The following CPVL variants were observed in gnomAD, a reference collection of about 807,000 sequenced individuals.
The protein encoded by CPVL is carboxypeptidase vitellogenic like, also known as probable serine carboxypeptidase CPVL.
A neutral mutation model predicts 63.7 loss-of-function variants in CPVL; 51 were observed. The observed-to-expected ratio is 0.80, with a 90% CI of 0.64 to 1.01. The LOEUF (loss-of-function observed/expected upper bound fraction) is 1.01. CPVL is among the 50% of genes least tolerant of loss of function. CPVL has a pLI of 0.00. For synonymous variants in CPVL, 195 were observed against 206.0 expected (o/e 0.95, Z 0.46); for missense variants, 530 against 573.1 (o/e 0.92, Z 0.77).
At chr7:29,159,254 G>A (rs1384235709) in intron 5 of CPVL, among the ~76,000 whole-genome samples, 2 of 152,324 alleles carry the variant, frequency 1.3e-5, no homozygotes, top group African/African-American at 2.4e-5. Context: ...TTGCAGAAGA[G>A]GAAACTGAGC....
intron 12 of CPVL, among the ~76,000 whole-genome samples, chr7:29,023,656 A>G (rs1787228310): frequency 6.6e-6 from 1 of 152,196 alleles, no homozygotes; most frequent in African/African-American, 2.4e-5. Flanking sequence ...TGGTGTCCCA[A>G]TCCATAGCAA....
At chr7:29,130,493 T>C (rs927980727) in intron 1 of CPVL, among the ~76,000 whole-genome samples, 6 of 152,198 alleles carry the variant, frequency 3.9e-5, no homozygotes, top group Non-Finnish European at 7.4e-5. Flanking sequence ...GGCTCCCTTG[T>C]TACAGAACAT....
chr7:29,185,685 C>T (rs1002786794), intron 2 of CPVL: 7 of 152,090 alleles, frequency 4.6e-5, no homozygotes, highest in Non-Finnish European at 1.0e-4. Flanking sequence ...AGCGTGATCT[C>T]GGCATTGGGA....
At chr7:29,054,055 G>C (rs1225525856) in intron 11 of CPVL, among the ~76,000 whole-genome samples, 1 of 152,072 alleles carries the variant, frequency 6.6e-6, no homozygotes, top group African/African-American at 2.4e-5. Context: ...CTAGGTAATA[G>C]AGCAAGATCC....
chr7:29,142,172 T>C (rs780467699), intron 1 of CPVL, among the ~76,000 whole-genome samples: 55 of 152,350 alleles, frequency 3.6e-4, no homozygotes, highest in Non-Finnish European at 6.0e-4. Flanking sequence ...TGTGGTCAAT[T>C]ATTAATGAGA....
At chr7:29,056,272 C>A (rs1790723119) in intron 11 of CPVL, among the ~76,000 whole-genome samples, 1 of 152,178 alleles carries the variant, frequency 6.6e-6, no homozygotes, top group South Asian at 2.1e-4. Flanking sequence ...AAATGCATAA[C>A]ATCTTGTATC....
At chr7:29,130,640 G>GC (rs1780862102) in intron 1 of CPVL, among the ~76,000 whole-genome samples, 4 of 152,176 alleles carry the variant, frequency 2.6e-5, no homozygotes, top group Admixed American at 6.5e-5. Context: ...ATTTTCTCAT[G>GC]CCCCCTCAGC....
chr7:29,006,108 G>A (rs1223322396), intron 12 of CPVL, among the ~76,000 whole-genome samples: 2 of 152,164 alleles, frequency 1.3e-5, no homozygotes, highest in East Asian at 1.9e-4. Flanking sequence ...GCAGTGTGTG[G>A]GCACTCCCTC....
intron 11 of CPVL, among the ~76,000 whole-genome samples, chr7:29,057,127 T>A (rs1355360682): frequency 6.6e-6 from 1 of 151,876 alleles, no homozygotes; most frequent in East Asian, 1.9e-4. Flanking sequence ...ATAAATTAAT[T>A]AATTATTTTT....
At chr7:29,169,114 C>T (rs1796284021) in intron 5 of CPVL, among the ~76,000 whole-genome samples, 1 of 151,546 alleles carries the variant, frequency 6.6e-6, no homozygotes, top group African/African-American at 2.4e-5. Context: ...TGGAATTTTC[C>T]CCATTTTATT....
intron 9 of CPVL, among the ~76,000 whole-genome samples, chr7:29,068,869 G>A (rs1204363062): frequency 1.3e-5 from 2 of 151,106 alleles, no homozygotes; most frequent in Admixed American, 1.3e-4. Context: ...TAACTTTTTT[G>A]TATTTTTAGT....
intron 7 of CPVL, among the ~76,000 whole-genome samples, chr7:29,082,688 A>C (rs1173412329): frequency 6.6e-6 from 1 of 152,290 alleles, no homozygotes; most frequent in South Asian, 2.1e-4. Context: ...GGTTTCCTTA[A>C]AAGTATTCAT....
chr7:29,192,441 G>C (rs1365217492), intron 1 of CPVL: 1 of 152,192 alleles, frequency 6.6e-6, no homozygotes, highest in Non-Finnish European at 1.5e-5. Flanking sequence ...TTTCAGAGAT[G>C]AATAATGAAA....
rs939261589 is a variant in CPVL at position 29,057,162 on chromosome 7, A to C, written c.1137+6899T>G. On this transcript the variant is annotated intron_variant, in intron 11 of 12. Transcript: ENST00000265394. ...TATTTTGTAGAGACAGGGTCTCTCTATGTTGTCCAAGCTGGTTTCAAACTC... is the reference window on the plus strand; with the variant it reads ...TATTTTGTAGAGACAGGGTCTCTCTCTGTTGTCCAAGCTGGTTTCAAACTC... 2.6e-5 allele frequency among the ~76,000 whole-genome samples: 4 copies of C among 152,010 alleles called. No individual in the cohort carries two copies. The East Asian group carries it at 7.7e-4, about 29-fold the overall frequency.
At chr7:29,037,870 T>C (rs1485518063) in intron 11 of CPVL, among the ~76,000 whole-genome samples, 1 of 152,160 alleles carries the variant, frequency 6.6e-6, no homozygotes, top group Non-Finnish European at 1.5e-5. Flanking sequence ...ATCTTGGATA[T>C]GTCATCTACT....
intron 11 of CPVL, among the ~76,000 whole-genome samples, chr7:29,042,089 CT>C (rs1162969088): frequency 6.6e-6 from 1 of 152,034 alleles, no homozygotes; most frequent in African/African-American, 2.4e-5. Flanking sequence ...AAGTAAGTAA[CT>C]TCCAAGGACA....
intron 9 of CPVL, among the ~76,000 whole-genome samples, chr7:29,067,554 C>A (rs1388111762): frequency 2.0e-5 from 3 of 150,802 alleles, no homozygotes; most frequent in Admixed American, 1.3e-4. Flanking sequence ...AAGAGGACCA[C>A]AGGGACTGCA....
intron 1 of CPVL, chr7:29,195,026 G>C (rs370813742): frequency 6.3e-7 from 1 of 1,576,034 alleles, no homozygotes; most frequent in Non-Finnish European, 8.6e-7. Flanking sequence ...CTGCCGCGCC[G>C]GGTCTCGCCC....
At chr7:29,034,955 C>T (rs941452427) in intron 11 of CPVL, among the ~76,000 whole-genome samples, 8 of 151,024 alleles carry the variant, frequency 5.3e-5, no homozygotes, top group Non-Finnish European at 5.9e-5. Flanking sequence ...TCAAATACTA[C>T]CATACCAGCT....
Sources: allele counts gnomAD v4.1 joint callset (sites outside exome capture counted in the v4.1 genomes callset), GRCh38; gene constraint gnomAD v4.1.1; transcripts MANE v1.5; gene names NCBI Gene and HGNC (gene_info 2026-07-23, HGNC 2026-07-21).